BBS1: variants seen among roughly 807,000 people sequenced by gnomAD.
BBS1 encodes the protein Bardet-Biedl syndrome 1.
A neutral mutation model predicts 73.9 loss-of-function variants in BBS1; 60 were observed. The ratio of observed to expected loss-of-function variants is 0.81; its 90% CI spans 0.66 to 1.01. BBS1 has a LOEUF of 1.01. Among genes scored for constraint, BBS1 ranks in the 50% least tolerant of loss-of-function variants. BBS1 has a pLI of 0.00. For missense variants in BBS1, 718 were observed against 770.3 expected (o/e 0.93, Z 0.80); for synonymous variants, 283 against 317.4 (o/e 0.89, Z 1.15).
Position 66,521,386 on chromosome 11 carries a change from TC to T in BBS1, c.830+12del, listed in dbSNP as rs1343720111. On this transcript the variant is annotated intron_variant, in intron 9 of 16. Coordinates refer to ENST00000318312, the MANE Select transcript of BBS1 (RefSeq NM_024649.5). ...TCTATATTCTGAGAAGGTAGCCACA[TC>T]CGTGGTCTCCGGGGCCGGGAGGAAC... The T allele has an allele frequency of 2.9e-5, 47 of 1,609,116 alleles. No homozygotes were observed. The highest frequency in any genetic ancestry group is 3.9e-5 in the Non-Finnish European group (46 of 1,175,538).
chr11:66,510,837 G>C (rs1340702404), intron 1 of BBS1, 131 bp downstream of exon 1: 2 of 1,428,430 alleles, frequency 1.4e-6, no homozygotes, highest in Non-Finnish European at 9.9e-7. Context: ...GGGAAACCGA[G>C]GCCTAAGATG....
chr11:66,532,174 CA>C lies in BBS1; in HGVS notation c.*138del. 1.1e-6 allele frequency: 1 copy of C among 894,710 alleles called. No individual in the cohort carries two copies. Among genetic ancestry groups the C allele is most frequent in the Non-Finnish European group, 1.7e-6 (1 of 590,266 alleles). The allele number at this position is 894,710 out of a possible 1,614,324, so 55.4% of individuals were successfully genotyped here. A position where few individuals can be genotyped will look rare whatever the true frequency, so the allele number is the denominator to read the frequency against. Reference sequence around the variant, plus strand: ...CCCCTCTCTTAAGCACCCGCTTCCTCACCACCCCCACTGTTGGGCCTATAGT... The same window carrying C: ...CCCCTCTCTTAAGCACCCGCTTCCTCCCACCCCCACTGTTGGGCCTATAGT... On this transcript the variant is annotated 3_prime_UTR_variant, in exon 17 of 17. Coordinates refer to ENST00000318312, the MANE Select transcript of BBS1 (RefSeq NM_024649.5).
rs1458910539 is a variant in BBS1, at chr11:66,526,810, G to A, written c.1339+3G>A. On this transcript the variant is annotated splice_donor_region_variant and intron_variant, in intron 13 of 16. Transcript: ENST00000318312. ...GCGAGAGCGGGAGGCTGGCACCGGT[G>A]AGCCTCAGACTGGGTCCTTTCCCTT... is the stretch of plus-strand genomic sequence containing the variant. 2 of 1,614,106 alleles carry A rather than the reference G, an allele frequency of 1.2e-6. No individual in the cohort carries two copies. Among genetic ancestry groups the A allele is most frequent in the Non-Finnish European group, 1.7e-6 (2 of 1,180,036 alleles).
intron 1 of BBS1, 70 bp from the exon 2 acceptor site, chr11:66,510,943 C>A: frequency 6.5e-7 from 1 of 1,540,144 alleles, no homozygotes; most frequent in Non-Finnish European, 9.0e-7. Flanking sequence ...TGACCTGTAC[C>A]AGCTTCCTCA....
At chr11:66,529,587 A>G (rs1165681631) in intron 13 of BBS1, 1 of 692,688 alleles carries the variant, frequency 1.4e-6, no homozygotes, top group Non-Finnish European at 2.6e-6. Flanking sequence ...AAGGAGCTAG[A>G]TAGTGCAGGC....
intron 7 of BBS1, among the ~76,000 whole-genome samples, chr11:66,517,761 C>T (rs1196577132): frequency 1.3e-5 from 2 of 151,850 alleles, no homozygotes; most frequent in African/African-American, 4.8e-5. Flanking sequence ...CCACCACGCC[C>T]ATCTTATTTA....
At chr11:66,513,075 A>G (rs574604586) in intron 3 of BBS1, among the ~76,000 whole-genome samples, 18 of 152,242 alleles carry the variant, frequency 1.2e-4, no homozygotes, top group Non-Finnish European at 2.2e-4. Context: ...GACATAAAGT[A>G]GGTACTTGAT....
chr11:66,519,975 A>G, intron 8 of BBS1: 1 of 459,800 alleles, frequency 2.2e-6, no homozygotes, highest in South Asian at 2.1e-5. Flanking sequence ...ATAGATATAT[A>G]ACTTTATGTA....
rs1354530306 is a variant in BBS1, at chr11:66,529,796, G to A, written c.1340-23G>A. 1.9e-6 allele frequency: 3 copies of A among 1,609,482 alleles called. No individual in the cohort carries two copies. The South Asian group carries it at 3.3e-5, about 18-fold the overall frequency. The stretch of plus-strand genomic sequence containing the variant: ...CTGCCACCCCCCACCTCCACCGTCA[G>A]CCTCTGGGACCCTTCTCCACAGCCA... On this transcript the variant is annotated intron_variant, in intron 13 of 16. Transcript: ENST00000318312.
At chr11:66,529,777 C>T in intron 13 of BBS1, 42 bp from the exon 14 acceptor site, 26 of 1,606,488 alleles carry the variant, frequency 1.6e-5, no homozygotes, top group Non-Finnish European at 2.2e-5. Context: ...CTCCCTGCCA[C>T]CCCCCACCTC....
At chr11:66,523,961 C>T (rs1009867631) in intron 11 of BBS1, 79 bp downstream of exon 11, 65 of 1,577,160 alleles carry the variant, frequency 4.1e-5, no homozygotes, top group Middle Eastern at 3.3e-4. Context: ...CTGCCTCTTC[C>T]GACCACACAT....
rs3741360 is a variant in BBS1, at chr11:66,532,877, A to G, written c.*840A>G. 35,379 of 152,352 alleles carry G rather than the reference A, an allele frequency of 0.23. 4,376 individuals are homozygous for G. The highest frequency in any genetic ancestry group is 0.27 in the East Asian group (1,384 of 5,170). 9.4% of individuals were successfully genotyped at this position (152,352 alleles called of 1,614,324 possible). On this transcript the variant is annotated 3_prime_UTR_variant, in exon 17 of 17. Coordinates refer to ENST00000318312, the MANE Select transcript of BBS1 (RefSeq NM_024649.5). ...AGGAGAGGCGTTTCTGGGGCTCCAG[A>G]GAAGTGCCACGGGAGGCAGAAGTCC...
intron 14 of BBS1, among the ~76,000 whole-genome samples, chr11:66,530,203 T>C (rs1383676060): frequency 2.0e-5 from 3 of 152,104 alleles, no homozygotes; most frequent in Non-Finnish European, 2.9e-5. Flanking sequence ...CCAGCTCAGA[T>C]AGGCCCCCAG....
intron 13 of BBS1, chr11:66,529,283 G>A (rs992846694): frequency 1.3e-6 from 2 of 1,534,286 alleles, no homozygotes; most frequent in Admixed American, 3.9e-5. Flanking sequence ...GTGACTTGAT[G>A]GACAGGGAGG....
chr11:66,515,943 C>T lies in BBS1; in HGVS notation c.591+10C>T. The T allele has an allele frequency of 6.2e-7, 1 of 1,613,792 alleles. No individual in the cohort carries two copies. The highest frequency in any genetic ancestry group is 1.7e-5 in the Admixed American group (1 of 59,994). On this transcript the variant is annotated intron_variant, in intron 7 of 16. Coordinates refer to ENST00000318312, the MANE Select transcript of BBS1 (RefSeq NM_024649.5). Reference sequence around the variant, plus strand: ...CTCCATCAAGCGGCAGGTAATACCCCCTTCTCTTTTTATTTCCCTGTAAAA... The same window carrying T: ...CTCCATCAAGCGGCAGGTAATACCCTCTTCTCTTTTTATTTCCCTGTAAAA...
Position 66,532,121 on chromosome 11 carries a change from AGCAGTGT to A in BBS1, c.*87_*93del. On this transcript the variant is annotated 3_prime_UTR_variant, in exon 17 of 17. Coordinates refer to ENST00000318312, the MANE Select transcript of BBS1 (RefSeq NM_024649.5). Reference sequence around the variant, plus strand: ...GTGGCCCCAGGCCCACTCCTCATGCAGCAGTGTGCTGGGGCGACAGCTCGTCTCCCCT... The same window carrying A: ...GTGGCCCCAGGCCCACTCCTCATGCAGCTGGGGCGACAGCTCGTCTCCCCT... 1 of 1,411,332 alleles carries A rather than the reference AGCAGTGT, an allele frequency of 7.1e-7. No individual in the cohort carries two copies. Among genetic ancestry groups the A allele is most frequent in the Non-Finnish European group, 9.7e-7 (1 of 1,032,088 alleles). The allele number at this position is 1,411,332 out of a possible 1,614,324, so 87.4% of individuals were successfully genotyped here. A position where few individuals can be genotyped will look rare whatever the true frequency, so the allele number is the denominator to read the frequency against.
chr11:66,512,597 G>A (rs1855975903), intron 3 of BBS1, among the ~76,000 whole-genome samples: 1 of 152,166 alleles, frequency 6.6e-6, no homozygotes, highest in African/African-American at 2.4e-5. Context: ...ATTATTCCAT[G>A]ATATTGATTG....
Position 66,526,734 on chromosome 11 carries a change from C to G in BBS1, c.1266C>G (p.Ala422=). The change falls in exon 13 of 17, where the codon GCC becomes GCG. Residue 422 remains alanine, a synonymous_variant. Transcript: ENST00000318312. ...AGGTGGGTCCCCCACCAGCCCAGGC[C>G]ATGAAACTCAATGTGCCCCGAAAGA... is the stretch of plus-strand genomic sequence containing the variant. ...GSEVGPPPAQ[A]MKLNVPRKTR... The G allele has an allele frequency of 6.2e-7, 1 of 1,614,224 alleles. No individual in the cohort carries two copies. The highest frequency in any genetic ancestry group is 2.2e-5 in the East Asian group (1 of 44,878).
At chr11:66,521,029 T>TTGAAA in intron 8 of BBS1, 1 of 538,816 alleles carries the variant, frequency 1.9e-6, no homozygotes. Flanking sequence ...GCACGGTTGT[T>TTGAAA]TAAGTACATC....
Sources: gnomAD v4.1 joint callset for allele counts (sites outside exome capture counted in the v4.1 genomes callset) on GRCh38, gnomAD v4.1.1 for gene constraint, MANE v1.5 for transcripts, NCBI Gene and HGNC (gene_info 2026-07-23, HGNC 2026-07-21) for gene names.